Variants in ERBB4 observed in about 807,000 individuals in gnomAD.
The protein encoded by ERBB4 is erb-b2 receptor tyrosine kinase 4.
ERBB4 carries 42 observed loss-of-function variants against 158.0 expected under a neutral mutation model. The ratio of observed to expected loss-of-function variants is 0.27; its 90% CI spans 0.21 to 0.34. ERBB4 has a LOEUF of 0.34. Among genes scored for constraint, ERBB4 ranks in the 10% least tolerant of loss-of-function variants. ERBB4 has a pLI of 1.00. For synonymous variants in ERBB4, 583 were observed against 558.7 expected (o/e 1.04, Z -0.61); for missense variants, 1,333 against 1,624.1 (o/e 0.82, Z 3.08).
At chr2:211,430,744 T>C (rs2063729468) in intron 21 of ERBB4, among the ~76,000 whole-genome samples, 1 of 88,192 alleles carries the variant, frequency 1.1e-5, no homozygotes, top group Non-Finnish European at 2.9e-5. Flanking sequence ...TAATATATGG[T>C]ATATATATAT....
intron 1 of ERBB4, among the ~76,000 whole-genome samples, chr2:212,201,763 T>C (rs1321324038): frequency 1.3e-5 from 2 of 152,214 alleles, no homozygotes; most frequent in Admixed American, 1.3e-4. Context: ...TCTACAGTTA[T>C]GACTTGCTGT....
At chr2:211,838,652 T>G (rs921012691) in intron 3 of ERBB4, among the ~76,000 whole-genome samples, 1 of 152,150 alleles carries the variant, frequency 6.6e-6, no homozygotes, top group African/African-American at 2.4e-5. Context: ...CAGTGTAAAA[T>G]TGGCATTATA....
chr2:211,561,372 A>T (rs1244623465), intron 20 of ERBB4, among the ~76,000 whole-genome samples: 1 of 152,156 alleles, frequency 6.6e-6, no homozygotes, highest in Non-Finnish European at 1.5e-5. Flanking sequence ...ATCACCCCAG[A>T]ACACTGCCCT....
At chr2:212,528,012 C>T (rs571143360) in intron 1 of ERBB4, among the ~76,000 whole-genome samples, 42 of 151,602 alleles carry the variant, frequency 2.8e-4, no homozygotes, top group African/African-American at 3.2e-4. Flanking sequence ...ATCTTGCATA[C>T]GCCCCTGATT....
chr2:211,696,027 C>CCTT (rs1285111930), intron 12 of ERBB4, among the ~76,000 whole-genome samples: 1 of 145,594 alleles, frequency 6.9e-6, no homozygotes, highest in Non-Finnish European at 1.5e-5. Flanking sequence ...CCTTTCTCTT[C>CCTT]CTTCCTTCCC....
At chr2:211,447,197 G>C (rs1254051266) in intron 20 of ERBB4, among the ~76,000 whole-genome samples, 1 of 151,916 alleles carries the variant, frequency 6.6e-6, no homozygotes, top group Non-Finnish European at 1.5e-5. Context: ...TGACTTTACA[G>C]TATTCAATTT....
At chr2:211,408,800 T>C (rs994725094) in intron 25 of ERBB4, among the ~76,000 whole-genome samples, 1 of 152,200 alleles carries the variant, frequency 6.6e-6, no homozygotes, top group Non-Finnish European at 1.5e-5. Flanking sequence ...TTCTGTATAA[T>C]TGGGATTCTG....
intron 2 of ERBB4, among the ~76,000 whole-genome samples, chr2:211,949,146 C>T (rs2080801077): frequency 6.6e-6 from 1 of 152,142 alleles, no homozygotes; most frequent in African/African-American, 2.4e-5. Flanking sequence ...CCATGGCTCC[C>T]ACCTGAGCCA....
chr2:211,383,315 A>T lies in ERBB4; in HGVS notation c.*300T>A, dbSNP rs2062608427. On this transcript the variant is annotated 3_prime_UTR_variant, in exon 28 of 28. Coordinates refer to ENST00000342788, the MANE Select transcript of ERBB4 (RefSeq NM_005235.3). ...AAGAAAAAGAAAAAAAGTGACAGCT[A>T]GTTTGATAGTAGGCAGCATTGCCTT... 3.1e-6 allele frequency: 1 copy of T among 326,356 alleles called. No homozygotes were observed. Among genetic ancestry groups the T allele is most frequent in the East Asian group, 4.9e-5 (1 of 20,414 alleles). The allele number at this position is 326,356 out of a possible 1,614,324, so 20.2% of individuals were successfully genotyped here. A position where few individuals can be genotyped will look rare whatever the true frequency, so the allele number is the denominator to read the frequency against.
At chr2:212,107,770 T>C (rs2079276009) in intron 2 of ERBB4, among the ~76,000 whole-genome samples, 1 of 152,164 alleles carries the variant, frequency 6.6e-6, no homozygotes, top group Admixed American at 6.5e-5. Flanking sequence ...AGATCTTTCC[T>C]GTGCTGTTCT....
At chr2:211,696,992 G>C (rs908146364) in intron 12 of ERBB4, among the ~76,000 whole-genome samples, 2 of 152,126 alleles carry the variant, frequency 1.3e-5, no homozygotes, top group Non-Finnish European at 2.9e-5. Context: ...ATTTTGAGAG[G>C]AATCACGGTG....
chr2:211,596,809 G>T (rs909786891), intron 19 of ERBB4, among the ~76,000 whole-genome samples: 1 of 151,136 alleles, frequency 6.6e-6, no homozygotes, highest in Non-Finnish European at 1.5e-5. Context: ...TTGTTGTTCA[G>T]CTTGGAGTGC....
At chr2:212,399,386 G>T (rs1199923164) in intron 1 of ERBB4, among the ~76,000 whole-genome samples, 2 of 151,554 alleles carry the variant, frequency 1.3e-5, no homozygotes, top group African/African-American at 2.4e-5. Context: ...CAGTCCAACT[G>T]ATACAAAAGT....
chr2:211,384,274 C>T (rs533598662), intron 27 of ERBB4, among the ~76,000 whole-genome samples: 13 of 152,178 alleles, frequency 8.5e-5, no homozygotes, highest in South Asian at 6.2e-4. Flanking sequence ...AAGAAGCCAA[C>T]GAGGCCAGAA....
At chr2:211,426,306 A>C (rs2063626150) in intron 22 of ERBB4, among the ~76,000 whole-genome samples, 1 of 152,206 alleles carries the variant, frequency 6.6e-6, no homozygotes, top group Non-Finnish European at 1.5e-5. Flanking sequence ...CTTTATCTTA[A>C]GATGTATATC....
intron 1 of ERBB4, among the ~76,000 whole-genome samples, chr2:212,339,245 T>C (rs921579336): frequency 1.3e-5 from 2 of 152,294 alleles, no homozygotes; most frequent in South Asian, 2.1e-4. Context: ...CTCCCACTTA[T>C]AAGTGAGAAC....
At chr2:212,450,045 A>G (rs902199345) in intron 1 of ERBB4, among the ~76,000 whole-genome samples, 3 of 152,196 alleles carry the variant, frequency 2.0e-5, no homozygotes, top group African/African-American at 7.2e-5. Flanking sequence ...AAGTCTGGTT[A>G]CAAATTACTT....
chr2:211,879,053 T>A (rs1189261348), intron 3 of ERBB4, among the ~76,000 whole-genome samples: 1 of 152,076 alleles, frequency 6.6e-6, no homozygotes, highest in South Asian at 2.1e-4. Context: ...AGACATTAAG[T>A]CATGGTTGGT....
rs1553530916 is a variant in ERBB4, at chr2:211,428,243, A to AT, written c.2719+164dup. ...AAAATAAAATAAAATAAAATAAAAT[A>AT]TTTTTTTTTCATTGAGAAAGCAAAG... is the stretch of plus-strand genomic sequence containing the variant. On this transcript the variant is annotated intron_variant, in intron 22 of 27. Coordinates refer to ENST00000342788, the MANE Select transcript of ERBB4 (RefSeq NM_005235.3). Among the ~76,000 whole-genome samples the AT allele has an allele frequency of 1.4e-4, 20 of 147,836 alleles. 2 individuals are homozygous for AT. The South Asian group carries it at 2.1e-3, about 16-fold the overall frequency.
Sources: gnomAD v4.1 joint callset for allele counts (sites outside exome capture counted in the v4.1 genomes callset) on GRCh38, gnomAD v4.1.1 for gene constraint, MANE v1.5 for transcripts, NCBI Gene and HGNC (gene_info 2026-07-23, HGNC 2026-07-21) for gene names.